DOCK2: variants seen among roughly 807,000 people sequenced by gnomAD.
DOCK2 encodes dedicator of cytokinesis 2.
In DOCK2, 87 loss-of-function variants were observed where a neutral mutation model predicts 248.9. The observed-to-expected ratio is 0.35, with a 90% CI of 0.29 to 0.42. DOCK2 has a LOEUF of 0.42. Among genes scored for constraint, DOCK2 ranks in the 10% least tolerant of loss-of-function variants. The pLI is 1.00. For missense variants in DOCK2, 1,747 were observed against 2,300.2 expected (o/e 0.76, Z 4.92); for synonymous variants, 805 against 821.6 (o/e 0.98, Z 0.35).
At chr5:169,703,135 G>A (rs1761076207) in intron 14 of DOCK2, among the ~76,000 whole-genome samples, 1 of 152,148 alleles carries the variant, frequency 6.6e-6, no homozygotes, top group Non-Finnish European at 1.5e-5. Flanking sequence ...GTAGTTAGCT[G>A]AAAAGAAAAT....
At chr5:169,772,695 A>G (rs1274668812) in intron 25 of DOCK2, among the ~76,000 whole-genome samples, 1 of 152,196 alleles carries the variant, frequency 6.6e-6, no homozygotes, top group Non-Finnish European at 1.5e-5. Context: ...AATAATTCTG[A>G]ATCTTTTTCA....
chr5:169,944,528 C>T (rs537114374), intron 27 of DOCK2, among the ~76,000 whole-genome samples: 2 of 152,326 alleles, frequency 1.3e-5, no homozygotes, highest in South Asian at 4.1e-4. Context: ...ACCAGGGAGG[C>T]TTTGAAACTC....
intron 22 of DOCK2, among the ~76,000 whole-genome samples, chr5:169,744,186 G>T (rs1316945141): frequency 6.6e-6 from 1 of 152,122 alleles, no homozygotes; most frequent in East Asian, 1.9e-4. Flanking sequence ...AGAATACCAG[G>T]TTCTGGTTCA....
intron 14 of DOCK2, among the ~76,000 whole-genome samples, chr5:169,704,900 A>G (rs1316600254): frequency 2.6e-5 from 4 of 152,090 alleles, no homozygotes; most frequent in Non-Finnish European, 5.9e-5. Flanking sequence ...AGCGGCTCAC[A>G]CCTGTAATCC....
chr5:169,985,395 ATGTGTG>A (rs1778042635), intron 28 of DOCK2, among the ~76,000 whole-genome samples: 11 of 83,944 alleles, frequency 1.3e-4, no homozygotes, highest in Admixed American at 1.2e-4. Context: ...GTGTGTGTGT[ATGTGTG>A]TGACATATGA....
chr5:169,837,547 C>T (rs1050783210), intron 26 of DOCK2, among the ~76,000 whole-genome samples: 7 of 152,282 alleles, frequency 4.6e-5, no homozygotes, highest in Non-Finnish European at 8.8e-5. Flanking sequence ...CCAAGGGGAA[C>T]GTGAGTTGCA....
At chr5:169,642,693 T>G (rs957923000) in intron 1 of DOCK2, among the ~76,000 whole-genome samples, 3 of 152,212 alleles carry the variant, frequency 2.0e-5, no homozygotes, top group Non-Finnish European at 4.4e-5. Context: ...TGGGTCTGTT[T>G]AGGAGTGCCT....
At chr5:169,944,038 T>G (rs1265559707) in intron 27 of DOCK2, among the ~76,000 whole-genome samples, 1 of 152,210 alleles carries the variant, frequency 6.6e-6, no homozygotes, top group Non-Finnish European at 1.5e-5. Flanking sequence ...TAAGAATTAG[T>G]ATTTATAAAG....
Position 169,723,124 on chromosome 5 carries a change from A to G in DOCK2, c.2267+4333A>G, listed in dbSNP as rs1762296089. Among the ~76,000 whole-genome samples, 2 of 152,036 alleles carry G rather than the reference A, an allele frequency of 1.3e-5. 1 individual carries two copies. Among genetic ancestry groups the G allele is most frequent in the African/African-American group, 4.8e-5 (2 of 41,364 alleles). On this transcript the variant is annotated intron_variant, in intron 22 of 51. Coordinates refer to ENST00000520908, the MANE Select transcript of DOCK2 (RefSeq NM_004946.3). Reference sequence around the variant, plus strand: ...TTGCATCCTGCCTTCTGCTCTTATTACAGACCTGCTTATTTGGGTCTTGCT... The same window carrying G: ...TTGCATCCTGCCTTCTGCTCTTATTGCAGACCTGCTTATTTGGGTCTTGCT...
At chr5:170,055,464 C>A in intron 42 of DOCK2, 78 bp downstream of exon 42, 1 of 1,327,242 alleles carries the variant, frequency 7.5e-7, no homozygotes, top group Non-Finnish European at 1.1e-6. Flanking sequence ...GGTGGCAGAA[C>A]AGACCCCAGT....
chr5:169,780,426 A>G (rs1765649183), intron 25 of DOCK2, among the ~76,000 whole-genome samples: 2 of 152,138 alleles, frequency 1.3e-5, no homozygotes, highest in South Asian at 2.1e-4. Context: ...TTGGCATCCA[A>G]TAAAGTACCT....
chr5:170,076,243 C>T (rs11960618), intron 47 of DOCK2, among the ~76,000 whole-genome samples, 159 bp downstream of exon 47: 1 of 152,118 alleles, frequency 6.6e-6, no homozygotes, highest in Non-Finnish European at 1.5e-5. Context: ...GGGGAACCCT[C>T]CTGGAAACTT....
In DOCK2 at chr5:169,946,979, A is replaced by G. The variant is rs944011761; in HGVS notation, c.2800-36089A>G. Among the ~76,000 whole-genome samples, 4 of 152,118 alleles carry G rather than the reference A, an allele frequency of 2.6e-5. 1 individual carries two copies. The highest frequency in any genetic ancestry group is 2.6e-4 in the Admixed American group (4 of 15,286). ...TTGCCATATGGGAGGAATGGAATGA[A>G]GGCCAGGGGGTTTGGAGAGGAGCGC... On this transcript the variant is annotated intron_variant, in intron 27 of 51. Coordinates refer to ENST00000520908, the MANE Select transcript of DOCK2 (RefSeq NM_004946.3).
intron 22 of DOCK2, among the ~76,000 whole-genome samples, chr5:169,720,483 A>G (rs1243568165): frequency 7.1e-6 from 1 of 140,208 alleles, no homozygotes; most frequent in African/African-American, 2.7e-5. Context: ...CCTTCCTTCC[A>G]TTTTTTCCTT....
intron 22 of DOCK2, among the ~76,000 whole-genome samples, chr5:169,719,464 G>T (rs1296717773): frequency 6.6e-6 from 1 of 152,230 alleles, no homozygotes; most frequent in Admixed American, 6.5e-5. Context: ...TTCAAGGAAA[G>T]TATTGTCTGG....
intron 6 of DOCK2, among the ~76,000 whole-genome samples, chr5:169,675,453 A>T (rs1276479996): frequency 6.6e-6 from 1 of 152,240 alleles, no homozygotes; most frequent in Non-Finnish European, 1.5e-5. Flanking sequence ...GTCCCTGTCC[A>T]CTAAAGGGTC....
intron 26 of DOCK2, among the ~76,000 whole-genome samples, chr5:169,825,316 T>C (rs1264855785): frequency 6.6e-6 from 1 of 152,110 alleles, no homozygotes; most frequent in Non-Finnish European, 1.5e-5. Context: ...AAGACACATG[T>C]ACATGTATGT....
At position 169,701,090 on chromosome 5, in the gene DOCK2, T is replaced by G. The variant is rs765827803; in HGVS notation, c.1258+951T>G. ...ATTTTTCTGTTTCCCTGTTTCAGCC[T>G]TATGAGGGCTATAACTTTGAAATAA... On this transcript the variant is annotated intron_variant, in intron 13 of 51. Coordinates refer to ENST00000520908, the MANE Select transcript of DOCK2 (RefSeq NM_004946.3). Among the ~76,000 whole-genome samples the G allele has an allele frequency of 6.6e-5, 10 of 152,354 alleles. 1 individual carries two copies. In the South Asian group the frequency reaches 1.7e-3, roughly 25 times the overall value.
At chr5:169,824,823 A>G (rs1561737602) in intron 26 of DOCK2, among the ~76,000 whole-genome samples, 2 of 152,260 alleles carry the variant, frequency 1.3e-5, no homozygotes, top group South Asian at 2.1e-4. Context: ...AACTACCATC[A>G]GAATGAACAG....
Sources: allele counts gnomAD v4.1 joint callset (sites outside exome capture counted in the v4.1 genomes callset), GRCh38; gene constraint gnomAD v4.1.1; transcripts MANE v1.5; gene names NCBI Gene and HGNC (gene_info 2026-07-23, HGNC 2026-07-21).